Variants in BCAS3 observed in about 807,000 individuals in gnomAD.
The protein encoded by BCAS3 is BCAS3 microtubule associated cell migration factor, also known as BCAS4/BCAS3 fusion.
Under a neutral mutation model 116.1 loss-of-function variants are expected in BCAS3, and 53 were observed. The ratio of observed to expected loss-of-function variants is 0.46; its 90% confidence interval spans 0.37 to 0.57. The LOEUF is 0.57. Among genes scored for constraint, BCAS3 ranks in the 20% least tolerant of loss-of-function variants. The pLI is 0.00. For missense variants in BCAS3, 917 were observed against 1,165.4 expected, an observed-to-expected ratio of 0.79 and a Z score of 3.10; for synonymous variants, 391 against 408.2, an observed-to-expected ratio of 0.96 and a Z score of 0.51.
At chr17:61,280,541 T>C (rs1429063382) in intron 22 of BCAS3, among the ~76,000 whole-genome samples, 1 of 152,224 alleles carries the variant, frequency 6.6e-6, no homozygotes, top group Non-Finnish European at 1.5e-5. Context: ...TCACATCTTG[T>C]ATGAGTAATT....
At chr17:61,231,969 G>T (rs1602059080) in intron 22 of BCAS3, among the ~76,000 whole-genome samples, 1 of 151,812 alleles carries the variant, frequency 6.6e-6, no homozygotes, top group Non-Finnish European at 1.5e-5. Flanking sequence ...CACTTTGGGA[G>T]GCCGAGGGGG....
In BCAS3 at chr17:61,342,661, G is replaced by A. The variant is rs190474005; in HGVS notation, c.2426-25666G>A. Among the ~76,000 whole-genome samples the A allele has an allele frequency of 3.5e-4, 53 of 152,288 alleles. 1 individual carries two copies. Among genetic ancestry groups the A allele is most frequent in the East Asian group, 3.1e-3 (16 of 5,188 alleles). On this transcript the variant is annotated intron_variant, in intron 22 of 23. Transcript: ENST00000407086. Reference sequence around the variant, plus strand: ...ATGCTGACCCCCTGTTACAGTCCTGGGCAGACAGAGATGTGCACCACACTA... The same window carrying A: ...ATGCTGACCCCCTGTTACAGTCCTGAGCAGACAGAGATGTGCACCACACTA...
At chr17:60,847,491 C>T (rs1392480995) in intron 7 of BCAS3, among the ~76,000 whole-genome samples, 1 of 152,132 alleles carries the variant, frequency 6.6e-6, no homozygotes, top group Non-Finnish European at 1.5e-5. Context: ...CTTACCAATA[C>T]TTGTTATTTT....
intron 22 of BCAS3, among the ~76,000 whole-genome samples, chr17:61,230,518 A>G (rs2082616215): frequency 6.6e-6 from 1 of 152,038 alleles, no homozygotes; most frequent in South Asian, 2.1e-4. Flanking sequence ...ATGGGTGCTC[A>G]ATGTTTCACT....
At chr17:61,103,443 T>C (rs75702605) in intron 22 of BCAS3, among the ~76,000 whole-genome samples, 1,624 of 152,308 alleles carry the variant, frequency 0.011, 11 homozygotes, top group Middle Eastern at 0.017. Flanking sequence ...TGGAGGTTTT[T>C]GGTGGGGACT....
intron 13 of BCAS3, among the ~76,000 whole-genome samples, chr17:60,942,994 G>T (rs2145230132): frequency 6.6e-6 from 1 of 152,048 alleles, no homozygotes; most frequent in South Asian, 2.1e-4. Flanking sequence ...AAGAGATATA[G>T]CTCAAAAGTC....
intron 16 of BCAS3, among the ~76,000 whole-genome samples, chr17:61,024,090 A>G (rs1167076715): frequency 6.6e-6 from 1 of 152,102 alleles, no homozygotes; most frequent in Non-Finnish European, 1.5e-5. Context: ...GGGAGGGGAG[A>G]GTGAAGTCAT....
Position 61,249,307 on chromosome 17 carries a change from A to G in BCAS3, c.2426-119020A>G, listed in dbSNP as rs1346279682. Among the ~76,000 whole-genome samples the G allele has an allele frequency of 6.6e-6, 1 of 152,176 alleles. No homozygotes were observed. Among genetic ancestry groups the G allele is most frequent in the Non-Finnish European group, 1.5e-5 (1 of 68,044 alleles). ...CATCTCAAAAATAAATAAATAAAAT[A>G]AAATAGAAACTTGAAAATAATACCA... is the stretch of plus-strand genomic sequence containing the variant. On this transcript the variant is annotated intron_variant, in intron 22 of 23. Coordinates refer to ENST00000407086, the MANE Select transcript of BCAS3 (RefSeq NM_017679.5). This position sits in a 1 kb window ranked among gnomAD's most constrained non-coding sequence, Gnocchi z 6.2.
At chr17:61,018,460 C>T (rs142069894) in intron 16 of BCAS3, among the ~76,000 whole-genome samples, 98 of 151,958 alleles carry the variant, frequency 6.4e-4, no homozygotes, top group Non-Finnish European at 1.2e-3. Flanking sequence ...TGCCACCACA[C>T]CCAGCTAATT....
rs1602879975 is a variant in BCAS3 at position 61,343,172 on chromosome 17, C to T, written c.2426-25155C>T. Reference sequence around the variant, plus strand: ...GAGGGGTGGCACCAAATGCCTCTATCATCCCTCTCTGCCATGGCTCTTCAT... The same window carrying T: ...GAGGGGTGGCACCAAATGCCTCTATTATCCCTCTCTGCCATGGCTCTTCAT... On this transcript the variant is annotated intron_variant, in intron 22 of 23. Coordinates refer to ENST00000407086, the MANE Select transcript of BCAS3 (RefSeq NM_017679.5). This position sits in a 1 kb window ranked among gnomAD's most constrained non-coding sequence, Gnocchi z 5.5. 6.6e-6 allele frequency among the ~76,000 whole-genome samples: 1 copy of T among 152,222 alleles called. No individual in the cohort carries two copies. Among genetic ancestry groups the T allele is most frequent in the African/African-American group, 2.4e-5 (1 of 41,462 alleles).
chr17:60,904,205 A>G (rs2058069043), intron 11 of BCAS3, among the ~76,000 whole-genome samples: 1 of 152,056 alleles, frequency 6.6e-6, no homozygotes. Context: ...GGAGTTCAAG[A>G]TCAGCCTGGC....
At chr17:60,901,551 T>C (rs1197389970) in intron 10 of BCAS3, among the ~76,000 whole-genome samples, 1 of 152,204 alleles carries the variant, frequency 6.6e-6, no homozygotes, top group Non-Finnish European at 1.5e-5. Flanking sequence ...TCATTCAGTG[T>C]GATGTAACAG....
At chr17:61,218,606 T>G (rs1186793019) in intron 22 of BCAS3, among the ~76,000 whole-genome samples, 1 of 152,190 alleles carries the variant, frequency 6.6e-6, no homozygotes, top group African/African-American at 2.4e-5. Flanking sequence ...TAGCTGATAT[T>G]TGTTGTTTAG....
chr17:60,814,328 G>A (rs527448244), intron 7 of BCAS3, among the ~76,000 whole-genome samples: 2 of 134,980 alleles, frequency 1.5e-5, no homozygotes, highest in South Asian at 4.3e-4. Flanking sequence ...CATTGCAAAT[G>A]GGATTGCATT....
chr17:61,001,137 T>G (rs1459652884), intron 15 of BCAS3, among the ~76,000 whole-genome samples: 2 of 152,116 alleles, frequency 1.3e-5, no homozygotes, highest in Non-Finnish European at 2.9e-5. Flanking sequence ...AGTCACAGCT[T>G]TTGGCATCTG....
chr17:60,787,822 G>A (rs995677833), intron 6 of BCAS3, among the ~76,000 whole-genome samples: 17 of 152,068 alleles, frequency 1.1e-4, no homozygotes, highest in Admixed American at 7.9e-4. Context: ...ACATACTCCA[G>A]TATGGGTGCA....
At chr17:61,110,671 C>T (rs1459136161) in intron 22 of BCAS3, among the ~76,000 whole-genome samples, 4 of 152,080 alleles carry the variant, frequency 2.6e-5, no homozygotes, top group African/African-American at 7.2e-5. Context: ...GGGGGAGGGG[C>T]GCCCGCCATT....
chr17:61,245,642 C>A (rs1298418009), intron 22 of BCAS3, among the ~76,000 whole-genome samples: 1 of 152,098 alleles, frequency 6.6e-6, no homozygotes, highest in Admixed American at 6.5e-5. Context: ...TGTATATGTT[C>A]AAATCAAAGT....
At position 61,077,891 on chromosome 17, in the gene BCAS3, G is replaced by C. The variant is rs1721464276; in HGVS notation, c.2131-442G>C. On this transcript the variant is annotated intron_variant, in intron 20 of 23. Transcript: ENST00000407086. This position sits in a 1 kb window ranked among gnomAD's most constrained non-coding sequence, Gnocchi z 4.3. Reference sequence around the variant, plus strand: ...ACGTTTGTCATAAGCTTGATCCTCAGTGAAGGAATTGCTTTTAATCTGTGG... The same window carrying C: ...ACGTTTGTCATAAGCTTGATCCTCACTGAAGGAATTGCTTTTAATCTGTGG... Among the ~76,000 whole-genome samples, 1 of 152,174 alleles carries C rather than the reference G, an allele frequency of 6.6e-6. No individual in the cohort carries two copies. The highest frequency in any genetic ancestry group is 2.1e-4 in the South Asian group (1 of 4,826).
Sources: gnomAD v4.1 joint callset for allele counts (sites outside exome capture counted in the v4.1 genomes callset) on GRCh38, gnomAD v4.1.1 for gene constraint, Gnocchi (gnomAD v3.1) non-coding constraint, MANE v1.5 for transcripts, NCBI Gene and HGNC (gene_info 2026-07-23, HGNC 2026-07-21) for gene names.